MINAR1: variants seen among roughly 807,000 people sequenced by gnomAD.
MINAR1 encodes membrane integral NOTCH2 associated receptor 1, also known as major intrinsically disordered Notch2-binding receptor 1.
MINAR1 carries 40 observed loss-of-function variants against 65.1 expected under a neutral mutation model. The observed-to-expected ratio is 0.61, with a 90% confidence interval of 0.48 to 0.80. The LOEUF is 0.80. Among genes scored for constraint, MINAR1 ranks in the 30% least tolerant of loss-of-function variants. The pLI is 0.00. For synonymous variants in MINAR1, 482 were observed against 449.1 expected (o/e 1.07, Z -0.93); for missense variants, 1,128 against 1,148.0 (o/e 0.98, Z 0.25).
the MINAR1 span, chr15:79,417,463 T>A: frequency 4.6e-5 from 7 of 152,194 alleles, no homozygotes; most frequent in African/African-American, 7.2e-5. Flanking sequence ...AAGCTGCAGG[T>A]CTTCCTGCTG....
At chr15:79,440,311 G>C (rs1894835025) in intron 1 of MINAR1, among the ~76,000 whole-genome samples, 1 of 152,186 alleles carries the variant, frequency 6.6e-6, no homozygotes, top group African/African-American at 2.4e-5. Flanking sequence ...GCACCTGGTA[G>C]CCTTCTCTCC....
chr15:79,411,420 GA>G, the MINAR1 span: 6 of 702,402 alleles, frequency 8.5e-6, no homozygotes, highest in Non-Finnish European at 1.6e-5. Context: ...GAGCTTATTG[GA>G]AGGAGGTGGA....
upstream of MINAR1, among the ~76,000 whole-genome samples, chr15:79,429,207 C>T (rs1351816376): frequency 6.6e-6 from 1 of 152,172 alleles, no homozygotes; most frequent in Admixed American, 6.5e-5. Flanking sequence ...CTTATTGAGA[C>T]TGGATCACAT....
chr15:79,443,429 A>G (rs1016828936), intron 1 of MINAR1, among the ~76,000 whole-genome samples: 1 of 152,204 alleles, frequency 6.6e-6, no homozygotes, highest in African/African-American at 2.4e-5. Context: ...GCAGCACATC[A>G]TATTGGGCCT....
At chr15:79,444,201 T>G (rs1356176605) in intron 1 of MINAR1, among the ~76,000 whole-genome samples, 1 of 152,210 alleles carries the variant, frequency 6.6e-6, no homozygotes, top group Non-Finnish European at 1.5e-5. Context: ...GTTCCTATTT[T>G]GTAAGGTGAT....
the MINAR1 span, chr15:79,426,997 T>C: frequency 6.6e-6 from 1 of 152,134 alleles, no homozygotes; most frequent in Non-Finnish European, 1.5e-5. Flanking sequence ...CTATTCACAA[T>C]AGCAAAGACA....
intron 2 of MINAR1, among the ~76,000 whole-genome samples, 165 bp from the exon 3 acceptor site, chr15:79,462,902 A>G (rs1895698126): frequency 6.6e-6 from 1 of 152,214 alleles, no homozygotes; most frequent in Non-Finnish European, 1.5e-5. Context: ...CTTTTCCTAG[A>G]GAATTTCCCT....
intron 1 of MINAR1, among the ~76,000 whole-genome samples, chr15:79,448,920 A>T (rs1203244610): frequency 6.6e-6 from 1 of 152,226 alleles, no homozygotes; most frequent in Non-Finnish European, 1.5e-5. Context: ...TTAGATGCCA[A>T]GAGTGTGAGC....
In MINAR1 at chr15:79,458,094, G is replaced by A. The variant is rs965563873; in HGVS notation, c.1947G>A (p.Leu649=). 1.9e-6 allele frequency: 3 copies of A among 1,614,046 alleles called. No individual in the cohort carries two copies. The highest frequency in any genetic ancestry group is 2.5e-6 in the Non-Finnish European group (3 of 1,180,042). ...KVSVQIDLNS[L]TSEGPSDDSA... ...GTGTGCAGATAGATCTGAACTCCTT[G>A]ACAAGCGAGGGTCCGTCTGATGACA... The change falls in exon 2 of 4, where the codon TTG becomes TTA. Residue 649 remains leucine, a synonymous_variant. Coordinates refer to ENST00000305428, the MANE Select transcript of MINAR1 (RefSeq NM_015206.3).
At chr15:79,415,961 C>G in the MINAR1 span, 1 of 152,204 alleles carries the variant, frequency 6.6e-6, no homozygotes, top group South Asian at 2.1e-4. Flanking sequence ...CTATTACTTT[C>G]CCTTCTGCTC....
intron 1 of MINAR1, among the ~76,000 whole-genome samples, chr15:79,447,872 T>C (rs904435435): frequency 8.5e-5 from 13 of 152,228 alleles, no homozygotes; most frequent in African/African-American, 3.1e-4. Flanking sequence ...CCAGATTTTT[T>C]TCATCCTTTC....
At position 79,456,903 on chromosome 15, in the gene MINAR1, C is replaced by T. The variant is rs1895441368; in HGVS notation, c.756C>T (p.Ser252=). 6.2e-7 allele frequency: 1 copy of T among 1,614,136 alleles called. No individual in the cohort carries two copies. Among genetic ancestry groups the T allele is most frequent in the Non-Finnish European group, 8.5e-7 (1 of 1,180,032 alleles). The part of the protein sequence containing the change: ...ISNEEPFVVQ[S]CVQKRNIFKE... ...ATGAGGAGCCATTTGTGGTCCAGTCCTGTGTCCAGAAAAGGAATATCTTCA... is the reference window on the plus strand; with the variant it reads ...ATGAGGAGCCATTTGTGGTCCAGTCTTGTGTCCAGAAAAGGAATATCTTCA... Residue 252 remains serine, a synonymous_variant, in exon 2 of 4, where the codon TCC becomes TCT. Transcript: ENST00000305428.
chr15:79,432,178 G>A (rs1238263599), upstream of MINAR1, among the ~76,000 whole-genome samples: 4 of 152,110 alleles, frequency 2.6e-5, no homozygotes, highest in Non-Finnish European at 5.9e-5. Flanking sequence ...GTGAGGCCGC[G>A]TCCCGGGGCC....
At chr15:79,467,379 C>T (rs1895905848) in intron 3 of MINAR1, among the ~76,000 whole-genome samples, 1 of 152,184 alleles carries the variant, frequency 6.6e-6, no homozygotes, top group Non-Finnish European at 1.5e-5. Flanking sequence ...TAAATGCTTG[C>T]CATAAAATGA....
chr15:79,435,272 G>A (rs544355770), intron 1 of MINAR1, among the ~76,000 whole-genome samples: 70 of 132,004 alleles, frequency 5.3e-4, no homozygotes, highest in Admixed American at 4.0e-3. Flanking sequence ...ACAAAAATCC[G>A]TCTCAAAAAA....
At chr15:79,454,760 C>T (rs1013637980) in intron 1 of MINAR1, among the ~76,000 whole-genome samples, 1 of 152,032 alleles carries the variant, frequency 6.6e-6, no homozygotes. Context: ...ATAAAAATAA[C>T]AGTGGTTGAA....
At chr15:79,438,388 T>A (rs1475341471) in intron 1 of MINAR1, among the ~76,000 whole-genome samples, 4 of 9,656 alleles carry the variant, frequency 4.1e-4, no homozygotes, top group Admixed American at 1.6e-3. Context: ...GTGGGTAGTG[T>A]GTGGGGTGTG....
At chr15:79,427,220 A>G in the MINAR1 span, 1 of 152,200 alleles carries the variant, frequency 6.6e-6, no homozygotes, top group South Asian at 2.1e-4. Context: ...AAATGATGAG[A>G]ACTCATGGAC....
chr15:79,462,972 G>A, intron 2 of MINAR1, 95 bp from the exon 3 acceptor site: 6 of 1,406,200 alleles, frequency 4.3e-6, no homozygotes, highest in Non-Finnish European at 5.8e-6. Flanking sequence ...TTTGCTACCT[G>A]AATGTCTACA....
Sources: allele counts gnomAD v4.1 joint callset (sites outside exome capture counted in the v4.1 genomes callset), GRCh38; gene constraint gnomAD v4.1.1; transcripts MANE v1.5; gene names NCBI Gene and HGNC (gene_info 2026-07-23, HGNC 2026-07-21).